PRDM16: variants seen among roughly 807,000 people sequenced by gnomAD.
PRDM16 encodes PR/SET domain 16.
In PRDM16, 23 loss-of-function variants were observed where a neutral mutation model predicts 110.6. That is an observed-to-expected ratio of 0.21 (90% CI 0.15 to 0.29). The LOEUF is 0.29. Among genes scored for constraint, PRDM16 ranks in the 10% least tolerant of loss-of-function variants. The pLI, the probability that PRDM16 is intolerant of heterozygous loss-of-function variation, is 1.00. For missense variants in PRDM16, 1,615 were observed against 1,794.3 expected (o/e 0.90, Z 1.81); for synonymous variants, 799 against 781.8 (o/e 1.02, Z -0.37).
chr1:3,279,363 G>A (rs1486574905), intron 3 of PRDM16, among the ~76,000 whole-genome samples: 2 of 152,126 alleles, frequency 1.3e-5, no homozygotes, highest in African/African-American at 2.4e-5. Flanking sequence ...GAGGAAGGGC[G>A]GGCCCTCGCG....
chr1:3,383,597 ACCAGG>A (rs2100603002), intron 3 of PRDM16, among the ~76,000 whole-genome samples: 2 of 152,188 alleles, frequency 1.3e-5, no homozygotes, highest in Admixed American at 1.3e-4. Flanking sequence ...GAATTCCAGC[ACCAGG>A]CCCGAGATGG....
At chr1:3,313,062 G>A (rs1024737149) in intron 3 of PRDM16, among the ~76,000 whole-genome samples, 1 of 152,228 alleles carries the variant, frequency 6.6e-6, no homozygotes, top group African/African-American at 2.4e-5. Context: ...ACAGGCACAG[G>A]CACCGTGTCC....
intron 2 of PRDM16, among the ~76,000 whole-genome samples, chr1:3,233,700 C>T (rs1406603967): frequency 1.3e-5 from 2 of 152,162 alleles, no homozygotes; most frequent in Admixed American, 6.5e-5. Flanking sequence ...ATTGTCCCAT[C>T]ACAAAATAAA....
rs1638933785 is a variant in PRDM16, at chr1:3,213,006, T to C, written c.387+26532T>C. On this transcript the variant is annotated intron_variant, in intron 2 of 16. Transcript: ENST00000270722. This position sits in a 1 kb window ranked among gnomAD's most constrained non-coding sequence, Gnocchi z 5.3. ...GGACACAGGGAAGTCAGTGGGACCTTTGTGGCCACGAAACAGGTCTCACCC... is the reference window on the plus strand; with the variant it reads ...GGACACAGGGAAGTCAGTGGGACCTCTGTGGCCACGAAACAGGTCTCACCC... Among the ~76,000 whole-genome samples the C allele has an allele frequency of 6.6e-6, 1 of 152,220 alleles. No individual in the cohort carries two copies. Among genetic ancestry groups the C allele is most frequent in the South Asian group, 2.1e-4 (1 of 4,836 alleles).
rs768435592 is a variant in PRDM16 at position 3,404,862 on chromosome 1, C to A, written c.1008C>A (p.Arg336=). The A allele has an allele frequency of 7.4e-6, 12 of 1,613,294 alleles. No homozygotes were observed. The highest frequency in any genetic ancestry group is 1.6e-4 in the Middle Eastern group (1 of 6,062). ...RHQMSHDSGK[R]FECENCVKVF... ...AGATGTCCCACGACAGCGGCAAACG[C>A]TTCGAATGTGAAAACTGCGTGAAGG... Residue 336 remains arginine (R), a synonymous_variant, in exon 7 of 17, where the codon CGC becomes CGA. Coordinates refer to ENST00000270722, the MANE Select transcript of PRDM16 (RefSeq NM_022114.4).
intron 2 of PRDM16, among the ~76,000 whole-genome samples, chr1:3,239,498 C>T (rs979370268): frequency 2.0e-5 from 3 of 152,120 alleles, no homozygotes; most frequent in South Asian, 4.1e-4. Context: ...CATTTGTATG[C>T]CCCTGGGTGC....
intron 3 of PRDM16, among the ~76,000 whole-genome samples, chr1:3,247,317 GAGGAAGCCACGGTT>G (rs1489281296): frequency 2.0e-5 from 3 of 152,234 alleles, no homozygotes; most frequent in African/African-American, 7.2e-5. Flanking sequence ...GGTATTTTGT[GAGGAAGCCACGGTT>G]AGGAATTCTA....
At chr1:3,116,766 C>T (rs1369901642) in intron 1 of PRDM16, among the ~76,000 whole-genome samples, 1 of 152,238 alleles carries the variant, frequency 6.6e-6, no homozygotes, top group African/African-American at 2.4e-5. Context: ...GCCCTCACCC[C>T]AGCAGGCCTA....
chr1:3,331,359 T>C (rs533334519), intron 3 of PRDM16, among the ~76,000 whole-genome samples: 11 of 152,152 alleles, frequency 7.2e-5, no homozygotes, highest in Admixed American at 5.2e-4. Flanking sequence ...CCGAGTCCAT[T>C]GATGAATGGA....
intron 2 of PRDM16, among the ~76,000 whole-genome samples, chr1:3,202,044 G>C (rs933969462): frequency 6.6e-6 from 1 of 152,206 alleles, no homozygotes; most frequent in South Asian, 2.1e-4. Context: ...TGCCTTCTGA[G>C]GTTAGGAGGG....
chr1:3,325,541 G>A (rs1306260028), intron 3 of PRDM16, among the ~76,000 whole-genome samples: 1 of 152,242 alleles, frequency 6.6e-6, no homozygotes, highest in Admixed American at 6.5e-5. Flanking sequence ...GCGGCTCTCA[G>A]GGACTGTGTT....
At position 3,187,882 on chromosome 1, in the gene PRDM16, G is replaced by A. The variant is rs187398738; in HGVS notation, c.387+1408G>A. On this transcript the variant is annotated intron_variant, in intron 2 of 16. Coordinates refer to ENST00000270722, the MANE Select transcript of PRDM16 (RefSeq NM_022114.4). ...TGAAGAAACGTGCGGCAGAGTCTGC[G>A]GCCGTCAAGCAGGGTGGAAGCTGCA... Among the ~76,000 whole-genome samples the A allele has an allele frequency of 2.4e-3, 363 of 152,288 alleles. 1 individual carries two copies. The highest frequency in any genetic ancestry group is 8.2e-3 in the African/African-American group (342 of 41,572).
At chr1:3,088,670 G>A (rs1038156160) in intron 1 of PRDM16, among the ~76,000 whole-genome samples, 2 of 151,242 alleles carry the variant, frequency 1.3e-5, no homozygotes, top group Admixed American at 6.6e-5. Context: ...GTTTCACCGT[G>A]TTAGCCAGGA....
At chr1:3,257,336 C>T (rs1640073879) in intron 3 of PRDM16, among the ~76,000 whole-genome samples, 2 of 152,074 alleles carry the variant, frequency 1.3e-5, no homozygotes, top group South Asian at 2.1e-4. Flanking sequence ...AGCATCAGGC[C>T]GGTGAGTATG....
intron 3 of PRDM16, among the ~76,000 whole-genome samples, chr1:3,355,305 G>T (rs1160649468): frequency 6.6e-6 from 1 of 152,180 alleles, no homozygotes; most frequent in Non-Finnish European, 1.5e-5. Flanking sequence ...AGGGCCTAAT[G>T]CAGGGAGATG....
At chr1:3,312,670 G>A (rs1641492031) in intron 3 of PRDM16, among the ~76,000 whole-genome samples, 1 of 152,270 alleles carries the variant, frequency 6.6e-6, no homozygotes, top group Non-Finnish European at 1.5e-5. Context: ...CGGCCAAGCT[G>A]CAGGCTCTGA....
At position 3,246,766 on chromosome 1, in the gene PRDM16, C is replaced by T. The variant is rs1639799018; in HGVS notation, c.438+2629C>T. On this transcript the variant is annotated intron_variant, in intron 3 of 16. Transcript: ENST00000270722. The surrounding 1 kb of genome is among the most constrained non-coding windows in gnomAD (Gnocchi z 5.2). ...GAATCAGATCCCTAACCCCAGGGCTCAGACTGGACCCGTTCAGTTACATTT... is the reference window on the plus strand; with the variant it reads ...GAATCAGATCCCTAACCCCAGGGCTTAGACTGGACCCGTTCAGTTACATTT... 6.6e-6 allele frequency among the ~76,000 whole-genome samples: 1 copy of T among 152,180 alleles called. No homozygotes were observed.
At chr1:3,261,280 G>C (rs1375654278) in intron 3 of PRDM16, among the ~76,000 whole-genome samples, 1 of 152,146 alleles carries the variant, frequency 6.6e-6, no homozygotes, top group Non-Finnish European at 1.5e-5. Flanking sequence ...TGAATTGTGA[G>C]CCGCGAATTA....
intron 3 of PRDM16, among the ~76,000 whole-genome samples, chr1:3,248,187 G>A (rs1472057101): frequency 6.6e-6 from 1 of 152,186 alleles, no homozygotes; most frequent in Non-Finnish European, 1.5e-5. Flanking sequence ...CTTTCTGGAG[G>A]GCTTGAATTT....
Sources: gnomAD v4.1 joint callset for allele counts (sites outside exome capture counted in the v4.1 genomes callset) on GRCh38, gnomAD v4.1.1 for gene constraint, Gnocchi (gnomAD v3.1) non-coding constraint, MANE v1.5 for transcripts, NCBI Gene and HGNC (gene_info 2026-07-23, HGNC 2026-07-21) for gene names.